JPH2: variants seen among roughly 807,000 people sequenced by gnomAD.
The protein encoded by JPH2 is junctophilin-2.
In JPH2, 38 loss-of-function variants were observed where a neutral mutation model predicts 55.9. That is an observed-to-expected ratio of 0.68 (90% CI 0.52 to 0.89). The LOEUF (loss-of-function observed/expected upper bound fraction) is 0.89, where lower values mean the gene tolerates loss of function less well. JPH2 is among the 40% of genes least tolerant of loss of function. The pLI, the probability that JPH2 is intolerant of heterozygous loss-of-function variation, is 0.00. For synonymous variants in JPH2, 480 were observed against 472.4 expected (o/e 1.02, Z -0.21); for missense variants, 964 against 1,037.6 (o/e 0.93, Z 0.97).
intron 5 of JPH2, among the ~76,000 whole-genome samples, chr20:44,114,182 AG>A (rs1435399319): frequency 1.3e-5 from 2 of 152,150 alleles, no homozygotes; most frequent in Non-Finnish European, 2.9e-5. Flanking sequence ...AACTTACCCC[AG>A]CCCCCAGCTC....
rs1289549710 is a variant in JPH2, at chr20:44,164,258, C to G, written c.380-3851G>C. Among the ~76,000 whole-genome samples the G allele has an allele frequency of 4.6e-5, 7 of 152,328 alleles. No homozygotes were observed. The East Asian group carries it at 1.3e-3, about 29-fold the overall frequency. ...ACCAACAGGTCGCATTTCCCAAGCT[C>G]ATTCACATGTGATCCCATTGGATGG... On this transcript the variant is annotated intron_variant, in intron 1 of 5. Coordinates refer to ENST00000372980, the MANE Select transcript of JPH2 (RefSeq NM_020433.5).
intron 1 of JPH2, among the ~76,000 whole-genome samples, chr20:44,169,259 C>T (rs2072679845): frequency 6.6e-6 from 1 of 151,674 alleles, no homozygotes; most frequent in Admixed American, 6.6e-5. Context: ...TCACTGCAAC[C>T]ACCGCCTCCT....
chr20:44,169,173 ATTTTTT>A (rs59206814), intron 1 of JPH2, among the ~76,000 whole-genome samples: 36,867 of 136,926 alleles, frequency 0.27, 4,914 homozygotes, highest in African/African-American at 0.38. Context: ...GGCCTTGGGT[ATTTTTT>A]TTTTTTTTTT....
At chr20:44,178,632 G>C (rs922612879) in intron 1 of JPH2, among the ~76,000 whole-genome samples, 1 of 152,092 alleles carries the variant, frequency 6.6e-6, no homozygotes. Context: ...TTTTGAGACA[G>C]GGTCTCACTC....
At chr20:44,182,368 G>A (rs2072791685) in intron 1 of JPH2, among the ~76,000 whole-genome samples, 1 of 152,180 alleles carries the variant, frequency 6.6e-6, no homozygotes, top group Admixed American at 6.5e-5. Flanking sequence ...GAATCTGTGA[G>A]GTTTCCAGGG....
chr20:44,136,096 T>A (rs1198832318), intron 2 of JPH2, among the ~76,000 whole-genome samples: 1 of 152,226 alleles, frequency 6.6e-6, no homozygotes, highest in East Asian at 1.9e-4. Flanking sequence ...GATGGCAAGT[T>A]AGTCCAGGTC....
chr20:44,155,201 G>A (rs548678114), intron 2 of JPH2, among the ~76,000 whole-genome samples: 7 of 152,236 alleles, frequency 4.6e-5, no homozygotes, highest in East Asian at 1.9e-4. Flanking sequence ...GCATTAGCTC[G>A]CATACTCCTT....
At chr20:44,124,579 T>A (rs2072262655) in intron 2 of JPH2, among the ~76,000 whole-genome samples, 1 of 151,742 alleles carries the variant, frequency 6.6e-6, no homozygotes, top group Non-Finnish European at 1.5e-5. Flanking sequence ...TTTGGAAGGC[T>A]GAGGCAGGAG....
At chr20:44,186,306 C>T (rs760561306) in intron 1 of JPH2, 21 bp downstream of exon 1, 5 of 1,608,476 alleles carry the variant, frequency 3.1e-6, no homozygotes, top group East Asian at 4.5e-5. Context: ...CCCACCTCTG[C>T]GGGCCCCCAG....
chr20:44,138,947 C>A (rs546944764), intron 2 of JPH2, among the ~76,000 whole-genome samples: 1 of 152,142 alleles, frequency 6.6e-6, no homozygotes, highest in Non-Finnish European at 1.5e-5. Flanking sequence ...ATTTGGCAAT[C>A]GCTGCCTTGC....
At chr20:44,141,994 T>TG (rs2072460087) in intron 2 of JPH2, among the ~76,000 whole-genome samples, 1 of 152,174 alleles carries the variant, frequency 6.6e-6, no homozygotes. Context: ...TCCCCATGCC[T>TG]GGAGAGACAG....
At chr20:44,140,779 G>A (rs926017871) in intron 2 of JPH2, among the ~76,000 whole-genome samples, 13 of 151,982 alleles carry the variant, frequency 8.6e-5, no homozygotes, top group Non-Finnish European at 1.9e-4. Context: ...AAGGGTAATC[G>A]TAGAATAATT....
At chr20:44,179,424 A>G (rs1464122678) in intron 1 of JPH2, among the ~76,000 whole-genome samples, 1 of 152,246 alleles carries the variant, frequency 6.6e-6, no homozygotes, top group Admixed American at 6.5e-5. Flanking sequence ...CTAGGGTAGT[A>G]GATGAGAGGG....
intron 2 of JPH2, among the ~76,000 whole-genome samples, chr20:44,136,695 G>A (rs1171590595): frequency 6.6e-6 from 1 of 152,092 alleles, no homozygotes; most frequent in East Asian, 1.9e-4. Context: ...AGTTACTACT[G>A]GAGTCAGACA....
At position 44,159,565 on chromosome 20, in the gene JPH2, G is replaced by A; in HGVS notation, c.1169+53C>T. 6.5e-7 allele frequency: 1 copy of A among 1,544,652 alleles called. No individual in the cohort carries two copies. Among genetic ancestry groups the A allele is most frequent in the Non-Finnish European group, 8.7e-7 (1 of 1,146,320 alleles). ...GGCCTCCTAGGTTGCCCTGCCCCAG[G>A]ACCCCCTTCTCCGAGGGGAGGCGAC... On this transcript the variant is annotated intron_variant, in intron 2 of 5. Coordinates refer to ENST00000372980, the MANE Select transcript of JPH2 (RefSeq NM_020433.5). The surrounding 1 kb of genome is among the most constrained non-coding windows in gnomAD (Gnocchi z 5.7).
In JPH2 at chr20:44,114,866, G is replaced by A. The variant is rs1405034470; in HGVS notation, c.2021C>T (p.Thr674Ile). The change falls in exon 5 of 6, where the codon ACC (threonine) becomes ATC (isoleucine). Residue 674 changes from threonine (T) to isoleucine (I), a missense_variant. Transcript: ENST00000372980. ...CAGGATCACCATGCAGATGAGGATG[G>A]TGTTGGGGACCTGGGAGCAGTGGAG... is the stretch of plus-strand genomic sequence containing the variant. Reference protein sequence around the residue: ...AEVEVEEVPNTILICMVILLN... With the variant: ...AEVEVEEVPNIILICMVILLN... 3.7e-6 allele frequency: 6 copies of A among 1,603,526 alleles called. No homozygotes were observed. The highest frequency in any genetic ancestry group is 5.1e-6 in the Non-Finnish European group (6 of 1,175,886).
At chr20:44,135,434 T>C (rs1216111116) in intron 2 of JPH2, among the ~76,000 whole-genome samples, 1 of 152,158 alleles carries the variant, frequency 6.6e-6, no homozygotes, top group Non-Finnish European at 1.5e-5. Context: ...CTGGGAACTC[T>C]TGTCTCCATC....
chr20:44,141,161 C>T (rs73908576), intron 2 of JPH2, among the ~76,000 whole-genome samples: 1,560 of 152,308 alleles, frequency 0.01, 25 homozygotes, highest in African/African-American at 0.036. Context: ...ACCAAATATC[C>T]ATTCTCTCCC....
intron 2 of JPH2, among the ~76,000 whole-genome samples, chr20:44,131,789 A>G (rs943852237): frequency 1.4e-4 from 22 of 152,326 alleles, no homozygotes; most frequent in Admixed American, 1.3e-3. Context: ...GAGTGTGATC[A>G]ACAGATATAC....
Sources: allele counts gnomAD v4.1 joint callset (sites outside exome capture counted in the v4.1 genomes callset), GRCh38; gene constraint gnomAD v4.1.1; non-coding constraint Gnocchi (gnomAD v3.1); transcripts MANE v1.5; gene names NCBI Gene and HGNC (gene_info 2026-07-23, HGNC 2026-07-21).